The following NAALADL2 variants were observed in gnomAD, a reference collection of about 807,000 sequenced individuals.
NAALADL2 encodes inactive N-acetylated-alpha-linked acidic dipeptidase-like protein 2.
Under a neutral mutation model 87.2 loss-of-function variants are expected in NAALADL2, and 76 were observed. The ratio of observed to expected loss-of-function variants is 0.87; its 90% CI spans 0.72 to 1.05. NAALADL2 has a LOEUF of 1.05. Among genes scored for constraint, NAALADL2 ranks in the 50% least tolerant of loss-of-function variants. The pLI is 0.00. For synonymous variants in NAALADL2, 354 were observed against 331.0 expected, an observed-to-expected ratio of 1.07 and a Z score of -0.75; for missense variants, 1,089 against 945.8, an observed-to-expected ratio of 1.15 and a Z score of -1.99.
intron 2 of NAALADL2, among the ~76,000 whole-genome samples, chr3:174,675,736 T>C (rs938246946): frequency 2.6e-5 from 4 of 152,192 alleles, no homozygotes; most frequent in African/African-American, 9.6e-5. Context: ...ATTGACACAT[T>C]GTGTAACCAT....
chr3:174,992,443 G>T (rs560011195), intron 1 of NAALADL2, among the ~76,000 whole-genome samples: 1 of 151,828 alleles, frequency 6.6e-6, no homozygotes, highest in South Asian at 2.1e-4. Context: ...CTTTTGTGAG[G>T]GTATAGATAA....
intron 2 of NAALADL2, among the ~76,000 whole-genome samples, chr3:175,200,010 C>T (rs1484338524): frequency 1.3e-4 from 20 of 150,182 alleles, no homozygotes; most frequent in African/African-American, 2.2e-4. Flanking sequence ...ACTACTACTT[C>T]GAAAAGTCCA....
chr3:175,248,801 A>G (rs1219007147), intron 3 of NAALADL2, among the ~76,000 whole-genome samples: 9 of 152,270 alleles, frequency 5.9e-5, no homozygotes, highest in Admixed American at 5.2e-4. Context: ...GTATTATTAT[A>G]TGATTTTTTA....
At chr3:174,793,813 T>C (rs1717752736) in intron 3 of NAALADL2, among the ~76,000 whole-genome samples, 1 of 152,050 alleles carries the variant, frequency 6.6e-6, no homozygotes, top group African/African-American at 2.4e-5. Flanking sequence ...GTTTCTTTTT[T>C]TTTTTTCTTT....
chr3:175,008,427 T>G (rs148305508), intron 1 of NAALADL2, among the ~76,000 whole-genome samples: 1 of 152,210 alleles, frequency 6.6e-6, no homozygotes, highest in East Asian at 1.9e-4. Flanking sequence ...AGTTTTCCAT[T>G]TAATATTTCT....
chr3:175,700,915 A>T (rs1188951123), intron 11 of NAALADL2, among the ~76,000 whole-genome samples: 2 of 152,134 alleles, frequency 1.3e-5, no homozygotes, highest in Non-Finnish European at 2.9e-5. Context: ...ATTAGAGAGG[A>T]ACCATCAAGA....
In NAALADL2 at chr3:175,810,507, T is replaced by G. The variant is rs1755083662; in HGVS notation, c.*7304T>G. 1 of 152,078 alleles carries G rather than the reference T, an allele frequency of 6.6e-6. No individual in the cohort carries two copies. Among genetic ancestry groups the G allele is most frequent in the Non-Finnish European group, 1.5e-5 (1 of 67,978 alleles). The allele number at this position is 152,078 out of a possible 1,614,324, so 9.4% of individuals were successfully genotyped here. On this transcript the variant is annotated 3_prime_UTR_variant, in exon 14 of 14. Transcript: ENST00000454872. ...GAGTTTGTACGTGAAATGTTAATGTTTAAAACACCCATTTTGAAATTATTA... is the reference window on the plus strand; with the variant it reads ...GAGTTTGTACGTGAAATGTTAATGTGTAAAACACCCATTTTGAAATTATTA...
At chr3:175,557,019 T>G (rs2149503598) in intron 9 of NAALADL2, among the ~76,000 whole-genome samples, 2 of 152,320 alleles carry the variant, frequency 1.3e-5, no homozygotes, top group African/African-American at 2.4e-5. Flanking sequence ...GTTTTGAAAG[T>G]ATTCATGGAA....
At chr3:175,747,942 A>G (rs1319409434) in intron 12 of NAALADL2, among the ~76,000 whole-genome samples, 1 of 152,166 alleles carries the variant, frequency 6.6e-6, no homozygotes, top group African/African-American at 2.4e-5. Flanking sequence ...TGGAAGTCTT[A>G]TTAGATTTGC....
At chr3:175,600,525 CTTTTTTTTTTT>C (rs869212429) in intron 10 of NAALADL2, among the ~76,000 whole-genome samples, 1,158 of 61,068 alleles carry the variant, frequency 0.019, 19 homozygotes, top group African/African-American at 0.065. Flanking sequence ...GTGTCTTAGT[CTTTTTTTTTTT>C]TTTTTTTTTT....
chr3:175,011,450 C>T (rs547836552), intron 1 of NAALADL2, among the ~76,000 whole-genome samples: 3 of 152,250 alleles, frequency 2.0e-5, no homozygotes, highest in East Asian at 1.9e-4. Flanking sequence ...TCTTTTCTAT[C>T]GTCTACAGAC....
intron 12 of NAALADL2, among the ~76,000 whole-genome samples, chr3:175,737,714 G>GTTTTTTTTTTTTTTTTT (rs71164650): frequency 1.6e-4 from 9 of 54,760 alleles, no homozygotes; most frequent in African/African-American, 5.8e-4. Context: ...CAATGATCCA[G>GTTTTTTTTTTTTTTTTT]TTTTTTTTTT....
intron 4 of NAALADL2, among the ~76,000 whole-genome samples, chr3:175,315,330 G>A (rs539518422): frequency 1.9e-3 from 286 of 152,166 alleles, no homozygotes; most frequent in African/African-American, 6.6e-3. Context: ...AGGGTGGGAG[G>A]CATATGTAAA....
intron 10 of NAALADL2, among the ~76,000 whole-genome samples, chr3:175,609,194 T>C (rs10936861): frequency 0.64 from 97,062 of 151,174 alleles, 33,391 homozygotes; most frequent in East Asian, 0.85. Flanking sequence ...GGCCTCATCA[T>C]CACAATTCAA....
chr3:174,634,419 GAC>G (rs113196547), intron 2 of NAALADL2, among the ~76,000 whole-genome samples: 3,748 of 152,154 alleles, frequency 0.025, 151 homozygotes, highest in African/African-American at 0.085. Flanking sequence ...AGAGTTGGTT[GAC>G]AGAGTTTGGG....
chr3:175,328,364 C>A (rs1185891632), intron 5 of NAALADL2, among the ~76,000 whole-genome samples: 1 of 151,586 alleles, frequency 6.6e-6, no homozygotes, highest in Non-Finnish European at 1.5e-5. Flanking sequence ...TAGATTGAAC[C>A]TGTATAGGTT....
chr3:174,708,160 T>C (rs1323899535), intron 2 of NAALADL2, among the ~76,000 whole-genome samples: 2 of 152,304 alleles, frequency 1.3e-5, no homozygotes. Context: ...TTGACTCATG[T>C]TATTTCCTGT....
chr3:174,736,550 C>T (rs1031276768), intron 2 of NAALADL2, among the ~76,000 whole-genome samples: 1 of 152,042 alleles, frequency 6.6e-6, no homozygotes, highest in Non-Finnish European at 1.5e-5. Context: ...AGAGAGGAGA[C>T]CCTGGAGTTC....
chr3:175,072,039 G>A (rs2109156510), intron 1 of NAALADL2, among the ~76,000 whole-genome samples: 1 of 152,012 alleles, frequency 6.6e-6, no homozygotes, highest in Middle Eastern at 3.4e-3. Context: ...CGGAATATAT[G>A]TACATTTTGT....
Sources: gnomAD v4.1 joint callset for allele counts (sites outside exome capture counted in the v4.1 genomes callset) on GRCh38, gnomAD v4.1.1 for gene constraint, MANE v1.5 for transcripts, NCBI Gene and HGNC (gene_info 2026-07-23, HGNC 2026-07-21) for gene names.